The following DOCK8 variants were observed in gnomAD, a reference collection of about 807,000 sequenced individuals.
DOCK8 encodes the protein dedicator of cytokinesis protein 8.
In DOCK8, 141 loss-of-function variants were observed where a neutral mutation model predicts 245.6. That is an observed-to-expected ratio of 0.57 (90% CI 0.50 to 0.66). The LOEUF is 0.66. DOCK8 is among the 30% of genes least tolerant of loss of function. DOCK8 has a pLI of 0.00. For synonymous variants in DOCK8, 1,168 were observed against 970.2 expected (o/e 1.20, Z -3.79); for missense variants, 2,965 against 2,603.4 (o/e 1.14, Z -3.02).
At chr9:401,057 A>G (rs192820182) in intron 26 of DOCK8, among the ~76,000 whole-genome samples, 19 of 87,548 alleles carry the variant, frequency 2.2e-4, no homozygotes, top group African/African-American at 1.5e-3. Context: ...TTCCACCATC[A>G]TCATTGTCAC....
At chr9:370,009 C>T in intron 15 of DOCK8, 1 of 588,036 alleles carries the variant, frequency 1.7e-6, no homozygotes, top group Non-Finnish European at 3.1e-6. Flanking sequence ...CGCCATGTTG[C>T]CCAGGCTGGT....
At chr9:235,766 G>A (rs918386727) in intron 1 of DOCK8, among the ~76,000 whole-genome samples, 1 of 152,204 alleles carries the variant, frequency 6.6e-6, no homozygotes, top group East Asian at 1.9e-4. Context: ...CGCAGTATTA[G>A]GGTGGGAGTG....
chr9:442,046 C>T (rs1030457567), intron 42 of DOCK8, 37 bp downstream of exon 42: 7 of 1,612,376 alleles, frequency 4.3e-6, no homozygotes, highest in Admixed American at 3.3e-5. Context: ...ACCTGGTACA[C>T]TTTACAAAAA....
At chr9:216,587 C>G (rs1232726597) in intron 1 of DOCK8, among the ~76,000 whole-genome samples, 2 of 146,856 alleles carry the variant, frequency 1.4e-5, no homozygotes, top group Admixed American at 1.3e-4. Context: ...TATCAGGGAT[C>G]TCCCTATGGG....
rs375906754 is a variant in DOCK8 at position 440,351 on chromosome 9, T to C, written c.5224-935T>C. The stretch of plus-strand genomic sequence containing the variant: ...CATTTTAATAATCTCCCTCCTCCTT[T>C]ACATTTTAAGCCAAGAAAGTATTCA... On this transcript the variant is annotated intron_variant, in intron 40 of 47. Transcript: ENST00000432829. Among the ~76,000 whole-genome samples, 6 of 152,316 alleles carry C rather than the reference T, an allele frequency of 3.9e-5. No individual in the cohort carries two copies. In the East Asian group the frequency reaches 7.7e-4, roughly 20 times the overall value.
At position 334,248 on chromosome 9, in the gene DOCK8, A is replaced by G. The variant is rs755762251; in HGVS notation, c.1149A>G (p.Leu383=). Residue 383 remains leucine, a synonymous_variant, in exon 11 of 48, where the codon CTA becomes CTG. Coordinates refer to ENST00000432829, the MANE Select transcript of DOCK8 (RefSeq NM_203447.4). ...AGAGTAAAGAAAAGATTGAAAAACT[A>G]AAACTCCAAGCTGAATCCTTCTGCC... is the stretch of plus-strand genomic sequence containing the variant. ...GGKSKEKIEK[L]KLQAESFCQR... is the part of the protein sequence containing the mutation. 10 of 1,614,242 alleles carry G rather than the reference A, an allele frequency of 6.2e-6. No individual in the cohort carries two copies. The highest frequency in any genetic ancestry group is 1.1e-5 in the South Asian group (1 of 91,086).
At chr9:414,011 A>G (rs2055874332) in intron 28 of DOCK8, among the ~76,000 whole-genome samples, 1 of 152,096 alleles carries the variant, frequency 6.6e-6, no homozygotes, top group Non-Finnish European at 1.5e-5. Context: ...GTGTGGTGGC[A>G]GGTGCCTGTA....
chr9:349,676 A>G (rs1586766823), intron 14 of DOCK8, among the ~76,000 whole-genome samples: 1 of 152,102 alleles, frequency 6.6e-6, no homozygotes, highest in East Asian at 1.9e-4. Context: ...GCGTTTCTAA[A>G]CTTCTGTCAA....
At chr9:338,483 C>T (rs1158130953) in intron 12 of DOCK8, among the ~76,000 whole-genome samples, 1 of 152,128 alleles carries the variant, frequency 6.6e-6, no homozygotes, top group African/African-American at 2.4e-5. Flanking sequence ...CATATCTACC[C>T]ACTTACCTTA....
Position 328,076 on chromosome 9 carries a change from C to T in DOCK8, c.949C>T (p.Arg317Ter), listed in dbSNP as rs113432057. The T allele has an allele frequency of 4.3e-6, 7 of 1,614,028 alleles. No homozygotes were observed. The African/African-American group carries it at 5.3e-5, about 12-fold the overall frequency. ...CTCTGACCAGTTCAAAGGATTTCTG[C>T]GAGCTCACACGCCTTCAGTGGCCGC... ...LNSDQFKGFL[R>*]AHTPSVAASS... The change falls in exon 9 of 48, where the codon CGA becomes TGA. Residue 317 changes from arginine to a stop codon, truncating the protein, a stop_gained. Transcript: ENST00000432829. LOFTEE classifies it high-confidence loss of function.
chr9:400,952 A>ACCTCCACCATCACCT (rs1412533059), intron 26 of DOCK8, among the ~76,000 whole-genome samples: 1 of 67,440 alleles, frequency 1.5e-5, no homozygotes, highest in African/African-American at 4.3e-5. Flanking sequence ...CACCATCACC[A>ACCTCCACCATCACCT]CCACCACCAC....
intron 1 of DOCK8, among the ~76,000 whole-genome samples, chr9:224,851 C>G (rs961285896): frequency 6.6e-6 from 1 of 152,184 alleles, no homozygotes; most frequent in African/African-American, 2.4e-5. Flanking sequence ...AGTCCACTGA[C>G]AATGCAGGAG....
Position 453,691 on chromosome 9 carries a change from T to G in DOCK8, c.6068+1574T>G, listed in dbSNP as rs141138674. ...ATCCACCTGCCTTGGTCTCCCAAAG[T>G]GCTGGGATTACAGGCATATACCACC... On this transcript the variant is annotated intron_variant, in intron 46 of 47. Coordinates refer to ENST00000432829, the MANE Select transcript of DOCK8 (RefSeq NM_203447.4). Among the ~76,000 whole-genome samples, 721 of 152,354 alleles carry G rather than the reference T, an allele frequency of 4.7e-3. 6 individuals carry two copies. The highest frequency in any genetic ancestry group is 7.4e-3 in the Non-Finnish European group (502 of 68,028).
intron 12 of DOCK8, among the ~76,000 whole-genome samples, chr9:337,077 A>G (rs774316534): frequency 2.0e-5 from 3 of 151,980 alleles, no homozygotes; most frequent in Non-Finnish European, 4.4e-5. Context: ...CCCTCCCATG[A>G]TGCAGATTAA....
chr9:293,724 T>C (rs941771372), intron 4 of DOCK8, among the ~76,000 whole-genome samples: 4 of 152,212 alleles, frequency 2.6e-5, no homozygotes, highest in African/African-American at 4.8e-5. Context: ...ATCTCTTCAT[T>C]TGGATGAGTT....
intron 6 of DOCK8, among the ~76,000 whole-genome samples, chr9:315,343 A>G (rs918425261): frequency 1.3e-5 from 2 of 152,196 alleles, no homozygotes; most frequent in African/African-American, 4.8e-5. Context: ...ATTAGTTGCC[A>G]TTTCAGTTAG....
intron 29 of DOCK8, among the ~76,000 whole-genome samples, chr9:415,692 G>GCACACACGCACACACACACACA (rs1554699022): frequency 6.6e-6 from 1 of 150,978 alleles, no homozygotes; most frequent in East Asian, 2.0e-4. Flanking sequence ...GTGCGCGCGT[G>GCACACACGCACACACACACACA]CACACACACA....
chr9:400,622 A>T (rs2054907675), intron 26 of DOCK8, among the ~76,000 whole-genome samples: 1 of 116,462 alleles, frequency 8.6e-6, no homozygotes. Context: ...CACCTCCACC[A>T]CCATCACCAC....
chr9:251,928 C>A (rs1403416502), intron 1 of DOCK8, among the ~76,000 whole-genome samples: 1 of 150,950 alleles, frequency 6.6e-6, no homozygotes, highest in Non-Finnish European at 1.5e-5. Flanking sequence ...TGGGAAACTA[C>A]TTAACCAGCA....
Sources: allele counts gnomAD v4.1 joint callset (sites outside exome capture counted in the v4.1 genomes callset), GRCh38; gene constraint gnomAD v4.1.1; transcripts MANE v1.5; gene names NCBI Gene and HGNC (gene_info 2026-07-23, HGNC 2026-07-21).